The following EYS variants were observed in gnomAD, a reference collection of about 807,000 sequenced individuals.
EYS encodes the protein protein eyes shut homolog.
Under a neutral mutation model 282.1 loss-of-function variants are expected in EYS, and 250 were observed. That is an observed-to-expected ratio of 0.89 (90% CI 0.80 to 0.98). EYS has a LOEUF of 0.98. Ranked by LOEUF, EYS falls within the 50% of genes least tolerant of loss-of-function variation. EYS has a pLI of 0.00. For synonymous variants in EYS, 1,355 were observed against 1,282.9 expected (o/e 1.06, Z -1.20); for missense variants, 4,016 against 3,709.0 (o/e 1.08, Z -2.15).
At chr6:63,721,872 A>G in intron 42 of EYS, 75 bp from the exon 43 acceptor site, 1 of 1,348,792 alleles carries the variant, frequency 7.4e-7, no homozygotes. Context: ...GTTTCTGGCC[A>G]AGTTGGATAA....
chr6:64,562,932 T>C (rs1319187541), intron 26 of EYS, among the ~76,000 whole-genome samples: 1 of 152,044 alleles, frequency 6.6e-6, no homozygotes, highest in Non-Finnish European at 1.5e-5. Flanking sequence ...TTATTCTCTA[T>C]AAATTGCATA....
intron 11 of EYS, among the ~76,000 whole-genome samples, chr6:65,313,266 T>C (rs1769209296): frequency 6.6e-6 from 1 of 151,858 alleles, no homozygotes; most frequent in Non-Finnish European, 1.5e-5. Flanking sequence ...GTCATGGCTC[T>C]AAAAACCATC....
chr6:64,235,571 G>A (rs1766574319), intron 30 of EYS, among the ~76,000 whole-genome samples: 1 of 152,088 alleles, frequency 6.6e-6, no homozygotes, highest in African/African-American at 2.4e-5. Flanking sequence ...TGTCTTTATA[G>A]CAGCATGATT....
chr6:64,787,427 C>T (rs1774057957), intron 22 of EYS, among the ~76,000 whole-genome samples: 1 of 151,930 alleles, frequency 6.6e-6, no homozygotes, highest in South Asian at 2.1e-4. Context: ...TTTTACTTAT[C>T]CTTTGCATAT....
At chr6:64,080,301 G>A (rs1353984200) in intron 32 of EYS, among the ~76,000 whole-genome samples, 42 of 152,114 alleles carry the variant, frequency 2.8e-4, no homozygotes, top group Non-Finnish European at 5.0e-4. Flanking sequence ...GCATTTCTCC[G>A]ATGGCCAGTG....
chr6:65,576,374 AAC>A (rs1416696261), intron 2 of EYS, among the ~76,000 whole-genome samples: 12 of 151,964 alleles, frequency 7.9e-5, no homozygotes, highest in African/African-American at 2.9e-4. Context: ...GAAAAAAATC[AAC>A]ACTCTTCTAT....
chr6:65,627,121 C>T (rs1350747929), intron 2 of EYS, among the ~76,000 whole-genome samples: 1 of 151,996 alleles, frequency 6.6e-6, no homozygotes, highest in Non-Finnish European at 1.5e-5. Context: ...GTAACAATGA[C>T]AATAAAATGC....
intron 19 of EYS, among the ~76,000 whole-genome samples, chr6:64,866,955 C>G (rs539761707): frequency 1.6e-4 from 24 of 151,682 alleles, no homozygotes; most frequent in African/African-American, 5.8e-4. Context: ...CCTTCATATT[C>G]CAAAAATGTA....
At position 64,048,506 on chromosome 6, in the gene EYS, C is replaced by T. The variant is rs183615150; in HGVS notation, c.6725+17832G>A. Among the ~76,000 whole-genome samples, 30 of 152,138 alleles carry T rather than the reference C, an allele frequency of 2.0e-4. No homozygotes were observed. In the East Asian group the frequency reaches 5.6e-3, roughly 28 times the overall value. Reference sequence around the variant, plus strand: ...CCTAGAAAAGCTAAAGTTGTAGAAACCTTGGTCATGGGAAAGGAGGGATTC... The same window carrying T: ...CCTAGAAAAGCTAAAGTTGTAGAAATCTTGGTCATGGGAAAGGAGGGATTC... On this transcript the variant is annotated intron_variant, in intron 33 of 42. Transcript: ENST00000503581.
intron 19 of EYS, among the ~76,000 whole-genome samples, chr6:64,826,682 GTA>G (rs3065326): frequency 0.047 from 6,800 of 144,218 alleles, 316 homozygotes; most frequent in African/African-American, 0.12. Flanking sequence ...ATGATTTTAT[GTA>G]TATATATATA....
intron 33 of EYS, among the ~76,000 whole-genome samples, chr6:64,054,240 T>C (rs965495317): frequency 4.6e-5 from 7 of 152,156 alleles, no homozygotes; most frequent in African/African-American, 1.2e-4. Context: ...ATGCTGGGAA[T>C]TGACAGCAAA....
chr6:64,096,577 C>G (rs1772624145), intron 31 of EYS, among the ~76,000 whole-genome samples: 1 of 152,212 alleles, frequency 6.6e-6, no homozygotes, highest in African/African-American at 2.4e-5. Flanking sequence ...TCACGTAGTT[C>G]TCATGCTGTG....
chr6:64,225,161 C>T (rs1023505424), intron 31 of EYS, among the ~76,000 whole-genome samples: 4 of 152,062 alleles, frequency 2.6e-5, no homozygotes, highest in African/African-American at 9.7e-5. Flanking sequence ...TCCTTTGATA[C>T]ATTTTCTAAG....
chr6:64,548,603 T>C (rs536153728), intron 26 of EYS, among the ~76,000 whole-genome samples: 1 of 151,982 alleles, frequency 6.6e-6, no homozygotes, highest in African/African-American at 2.4e-5. Flanking sequence ...CCGCATGTTC[T>C]CACTCATAGG....
chr6:64,413,126 C>A (rs573430488), intron 28 of EYS, among the ~76,000 whole-genome samples: 2 of 152,240 alleles, frequency 1.3e-5, no homozygotes, highest in South Asian at 4.1e-4. Context: ...TCACCTTGTG[C>A]AGCCATATAT....
At chr6:63,845,704 A>G (rs1772081114) in intron 36 of EYS, among the ~76,000 whole-genome samples, 2 of 152,178 alleles carry the variant, frequency 1.3e-5, no homozygotes, top group African/African-American at 4.8e-5. Context: ...AGTTATAATT[A>G]GACTTCACTT....
At chr6:64,569,026 G>GAAAAAAA (rs4034162) in intron 26 of EYS, among the ~76,000 whole-genome samples, 64 of 100,916 alleles carry the variant, frequency 6.3e-4, no homozygotes, top group African/African-American at 1.0e-3. Flanking sequence ...AGATGGAAAA[G>GAAAAAAA]AAAAAAAAAA....
intron 22 of EYS, among the ~76,000 whole-genome samples, chr6:64,737,243 A>G (rs1230104462): frequency 6.6e-6 from 1 of 152,350 alleles, no homozygotes; most frequent in East Asian, 1.9e-4. Flanking sequence ...AAAACAGCCT[A>G]ATCAAATATC....
At chr6:63,738,155 C>T (rs1163500341) in intron 41 of EYS, among the ~76,000 whole-genome samples, 4 of 152,124 alleles carry the variant, frequency 2.6e-5, no homozygotes, top group Non-Finnish European at 5.9e-5. Flanking sequence ...TAAAGTAGTT[C>T]AACCCTTGTG....
Sources: gnomAD v4.1 joint callset for allele counts (sites outside exome capture counted in the v4.1 genomes callset) on GRCh38, gnomAD v4.1.1 for gene constraint, MANE v1.5 for transcripts, NCBI Gene and HGNC (gene_info 2026-07-23, HGNC 2026-07-21) for gene names.